Variants in SYT1 observed in about 807,000 individuals in gnomAD.
SYT1 encodes synaptotagmin-1.
Under a neutral mutation model 44.8 loss-of-function variants are expected in SYT1, and 8 were observed. The ratio of observed to expected loss-of-function variants is 0.18; its 90% CI spans 0.10 to 0.32. The LOEUF is 0.32. Ranked by LOEUF, SYT1 falls within the 10% of genes least tolerant of loss-of-function variation. The pLI is 1.00. For missense variants in SYT1, 286 were observed against 509.3 expected (o/e 0.56, Z 4.22); for synonymous variants, 154 against 188.8 (o/e 0.82, Z 1.51).
chr12:78,905,245 CCTT>C (rs1875903273), intron 1 of SYT1, among the ~76,000 whole-genome samples: 1 of 152,150 alleles, frequency 6.6e-6, no homozygotes, highest in African/African-American at 2.4e-5. Context: ...GCCCATAGTT[CCTT>C]CTTAGTAGAA....
intron 3 of SYT1, among the ~76,000 whole-genome samples, chr12:79,168,022 G>C (rs765977322): frequency 3.3e-5 from 5 of 152,074 alleles, no homozygotes; most frequent in African/African-American, 4.8e-5. Flanking sequence ...AGGCAGTAAT[G>C]CTCATTCTCC....
At chr12:79,316,675 TA>T (rs112479562) in intron 8 of SYT1, among the ~76,000 whole-genome samples, 1,611 of 152,340 alleles carry the variant, frequency 0.011, 31 homozygotes, top group African/African-American at 0.037. Context: ...ACCTGGGCAC[TA>T]TGTTGTCTAT....
At position 79,177,079 on chromosome 12, in the gene SYT1, G is replaced by A. The variant is rs1357455363; in HGVS notation, c.-17-40424G>A. ...TTTTTATTATACTCTAAGTTTTAGG[G>A]TACATGTGCACATTGTGCAGGTTAG... On this transcript the variant is annotated intron_variant, in intron 3 of 10. Transcript: ENST00000261205. Among the ~76,000 whole-genome samples, 3 of 136,258 alleles carry A rather than the reference G, an allele frequency of 2.2e-5. No homozygotes were observed. The Admixed American group carries it at 2.2e-4, about 10-fold the overall frequency. 89.4% of individuals were successfully genotyped at this position (136,258 alleles called of 152,430 possible). A position where few individuals can be genotyped will look rare whatever the true frequency, so the allele number is the denominator to read the frequency against.
intron 8 of SYT1, among the ~76,000 whole-genome samples, chr12:79,301,558 G>A (rs540355456): frequency 2.0e-5 from 3 of 151,950 alleles, no homozygotes; most frequent in Non-Finnish European, 4.4e-5. Context: ...AGAACATGAA[G>A]TACCCAGCAT....
chr12:79,423,911 T>C (rs534022474), intron 9 of SYT1, among the ~76,000 whole-genome samples: 177 of 151,700 alleles, frequency 1.2e-3, no homozygotes, highest in African/African-American at 4.0e-3. Flanking sequence ...AGCACCTGGA[T>C]CTATTAACCT....
At chr12:79,355,644 G>C (rs1389005013) in intron 9 of SYT1, among the ~76,000 whole-genome samples, 1 of 152,018 alleles carries the variant, frequency 6.6e-6, no homozygotes, top group Non-Finnish European at 1.5e-5. Context: ...TCACCAAATT[G>C]ACCAACACAC....
chr12:79,416,837 G>T (rs994092313), intron 9 of SYT1, among the ~76,000 whole-genome samples: 8 of 152,070 alleles, frequency 5.3e-5, no homozygotes, highest in African/African-American at 1.7e-4. Context: ...AGATATAAAA[G>T]GTACAATATA....
chr12:79,056,405 C>T (rs920623708), intron 3 of SYT1, among the ~76,000 whole-genome samples: 3 of 152,034 alleles, frequency 2.0e-5, no homozygotes, highest in African/African-American at 4.8e-5. Flanking sequence ...AGAAATTAGA[C>T]AATCTCAATA....
intron 3 of SYT1, among the ~76,000 whole-genome samples, chr12:79,154,119 A>G (rs1157884018): frequency 6.6e-6 from 1 of 152,036 alleles, no homozygotes; most frequent in Non-Finnish European, 1.5e-5. Context: ...CTACTAGCTC[A>G]TGTTACTACT....
chr12:79,052,341 A>T (rs1475629723), intron 3 of SYT1, among the ~76,000 whole-genome samples: 1 of 152,152 alleles, frequency 6.6e-6, no homozygotes, highest in Non-Finnish European at 1.5e-5. Context: ...CTTACACCTT[A>T]TACAAAAATT....
At chr12:79,122,513 C>CAAAAAAAAAAAAAAAAAA (rs58384133) in intron 3 of SYT1, among the ~76,000 whole-genome samples, 6 of 65,014 alleles carry the variant, frequency 9.2e-5, no homozygotes, top group South Asian at 8.1e-4. Flanking sequence ...GACTCCGTCT[C>CAAAAAAAAAAAAAAAAAA]AAAAAAAAAA....
At chr12:78,996,564 C>T (rs1178089185) in intron 2 of SYT1, among the ~76,000 whole-genome samples, 2 of 152,120 alleles carry the variant, frequency 1.3e-5, no homozygotes, top group Non-Finnish European at 1.5e-5. Flanking sequence ...CTTTAAGGTT[C>T]TTAAAGTTCA....
At chr12:79,286,011 A>G (rs368864567) in intron 5 of SYT1, 40 bp downstream of exon 5, 10 of 1,556,830 alleles carry the variant, frequency 6.4e-6, no homozygotes, top group Non-Finnish European at 8.6e-6. Flanking sequence ...TTTTGTTTAA[A>G]AAAGATAAAC....
At chr12:79,223,296 G>A (rs1045268597) in intron 4 of SYT1, among the ~76,000 whole-genome samples, 6 of 152,242 alleles carry the variant, frequency 3.9e-5, no homozygotes, top group African/African-American at 1.4e-4. Flanking sequence ...GTGCTAGAGT[G>A]CATCAGAAGC....
chr12:79,061,977 A>T (rs1386049946), intron 3 of SYT1, among the ~76,000 whole-genome samples: 52 of 152,162 alleles, frequency 3.4e-4, no homozygotes, highest in Non-Finnish European at 4.4e-5. Context: ...GAAAAAGATA[A>T]TTTTTTTAAA....
chr12:79,415,239 T>C (rs1868659445), intron 9 of SYT1, among the ~76,000 whole-genome samples: 1 of 152,172 alleles, frequency 6.6e-6, no homozygotes, highest in South Asian at 2.1e-4. Context: ...GTTAAAGTGT[T>C]GCATGTGCAT....
At chr12:78,964,585 T>A (rs2137356971) in intron 1 of SYT1, among the ~76,000 whole-genome samples, 1 of 152,180 alleles carries the variant, frequency 6.6e-6, no homozygotes, top group African/African-American at 2.4e-5. Flanking sequence ...GTGAATATGC[T>A]GCATATGGCA....
At chr12:78,908,505 A>G (rs1876124716) in intron 1 of SYT1, among the ~76,000 whole-genome samples, 1 of 151,864 alleles carries the variant, frequency 6.6e-6, no homozygotes, top group African/African-American at 2.4e-5. Flanking sequence ...ACATATCTCA[A>G]CAATATAAAA....
intron 3 of SYT1, among the ~76,000 whole-genome samples, chr12:79,105,297 G>A (rs937483471): frequency 3.3e-5 from 5 of 152,176 alleles, no homozygotes; most frequent in Non-Finnish European, 5.9e-5. Context: ...TATGATGCAT[G>A]TACAGGGCTT....
Sources: allele counts gnomAD v4.1 joint callset (sites outside exome capture counted in the v4.1 genomes callset), GRCh38; gene constraint gnomAD v4.1.1; transcripts MANE v1.5; gene names NCBI Gene and HGNC (gene_info 2026-07-23, HGNC 2026-07-21).